The following HSPG2 variants were observed in gnomAD, a reference collection of about 807,000 sequenced individuals.
HSPG2 encodes the protein basement membrane-specific heparan sulfate proteoglycan core protein.
HSPG2 carries 278 observed loss-of-function variants against 526.6 expected under a neutral mutation model. The observed-to-expected ratio is 0.53, with a 90% CI of 0.48 to 0.58. The LOEUF is 0.58. HSPG2 is among the 20% of genes least tolerant of loss of function. HSPG2 has a pLI of 0.00. For synonymous variants in HSPG2, 2,465 were observed against 2,555.4 expected (o/e 0.96, Z 1.07); for missense variants, 5,354 against 6,099.5 (o/e 0.88, Z 4.07).
chr1:21,936,959 G>A (rs995721921), intron 1 of HSPG2, among the ~76,000 whole-genome samples, 196 bp downstream of exon 1: 1 of 151,436 alleles, frequency 6.6e-6, no homozygotes, highest in African/African-American at 2.4e-5. Context: ...GTCCTGACTG[G>A]TGGCCCCCCT....
At chr1:21,876,694 A>G in intron 21 of HSPG2, 42 bp from the exon 22 acceptor site, 1 of 1,613,446 alleles carries the variant, frequency 6.2e-7, no homozygotes, top group Non-Finnish European at 8.5e-7. Flanking sequence ...CCCATGGGAG[A>G]GGCTGCCTGG....
intron 3 of HSPG2, among the ~76,000 whole-genome samples, chr1:21,891,550 T>G (rs1402732861): frequency 6.6e-6 from 1 of 152,152 alleles, no homozygotes; most frequent in Non-Finnish European, 1.5e-5. Context: ...ACACAGCGGG[T>G]TCCTTGAAAG....
intron 33 of HSPG2, among the ~76,000 whole-genome samples, 197 bp downstream of exon 33, chr1:21,871,989 A>C (rs1025357914): frequency 4.6e-5 from 7 of 152,224 alleles, no homozygotes; most frequent in African/African-American, 1.7e-4. Context: ...GCCACCATGA[A>C]GTTGAGGTTT....
At chr1:21,862,161 A>G in intron 37 of HSPG2, 46 bp from the exon 38 acceptor site, 1 of 1,605,184 alleles carries the variant, frequency 6.2e-7, no homozygotes, top group Non-Finnish European at 8.5e-7. Flanking sequence ...GGCCAAATTT[A>G]CCAGAAGCCT....
intron 1 of HSPG2, among the ~76,000 whole-genome samples, chr1:21,929,764 G>A (rs1050087450): frequency 1.3e-5 from 2 of 152,110 alleles, no homozygotes; most frequent in African/African-American, 2.4e-5. Flanking sequence ...AGACTGTGGA[G>A]GCATCCCGGA....
intron 1 of HSPG2, among the ~76,000 whole-genome samples, chr1:21,931,368 G>T (rs376014318): frequency 2.0e-5 from 3 of 152,270 alleles, no homozygotes; most frequent in Non-Finnish European, 2.9e-5. Flanking sequence ...GGAGCAGGAG[G>T]GGGTGGCAGG....
Position 21,910,837 on chromosome 1 carries a change from A to T in HSPG2, c.64-14527T>A, listed in dbSNP as rs149790165. On this transcript the variant is annotated intron_variant, in intron 1 of 96. Coordinates refer to ENST00000374695, the MANE Select transcript of HSPG2 (RefSeq NM_005529.7). ...TTATGCTAAGTACCTGATGTTAATT[A>T]TCTGATTTAATTTGCTCAACAGTCC... Among the ~76,000 whole-genome samples the T allele has an allele frequency of 9.2e-5, 14 of 152,266 alleles. No individual in the cohort carries two copies. In the East Asian group the frequency reaches 2.7e-3, roughly 29 times the overall value.
intron 22 of HSPG2, 41 bp downstream of exon 22, chr1:21,876,471 C>T (rs1641075455): frequency 6.2e-7 from 1 of 1,613,160 alleles, no homozygotes; most frequent in Non-Finnish European, 8.5e-7. Flanking sequence ...TCCATCCGGC[C>T]CAGGGCTTGG....
At chr1:21,888,308 ACG>A (rs1642093867) in intron 6 of HSPG2, among the ~76,000 whole-genome samples, 2 of 152,222 alleles carry the variant, frequency 1.3e-5, no homozygotes, top group South Asian at 4.1e-4. Flanking sequence ...GACATGCCAC[ACG>A]CATGCAACCA....
chr1:21,872,194 C>G lies in HSPG2; in HGVS notation c.4213G>C (p.Gly1405Arg), dbSNP rs569792172. Residue 1405 changes from glycine to arginine, a missense_variant, in exon 33 of 97, where the codon GGA becomes CGA. By Grantham distance (125) the Gly-to-Arg change is moderately radical (BLOSUM62 -2). Transcript: ENST00000374695. The surrounding 1 kb of genome is among the most constrained non-coding windows in gnomAD (Gnocchi z 5.5). The part of the protein sequence containing the change: ...FYWQLPETYQ[G>R]DKVAAYGGKL... ...GCTTGGCTGGGGCCCACCTTGTCTC[C>G]CTGGTATGTCTCCGGCAGCTGCCAG... 28 of 1,551,766 alleles carry G rather than the reference C, an allele frequency of 1.8e-5. No homozygotes were observed. The East Asian group carries it at 6.8e-4, about 38-fold the overall frequency.
chr1:21,840,482 A>G (rs1194338077), intron 71 of HSPG2, among the ~76,000 whole-genome samples: 1 of 151,214 alleles, frequency 6.6e-6, no homozygotes, highest in Non-Finnish European at 1.5e-5. Context: ...ATTTTTTTGT[A>G]TTTTTAGTAG....
Position 21,896,206 on chromosome 1 carries a change from A to G in HSPG2, c.168T>C (p.Asp56=). 6.2e-7 allele frequency: 1 copy of G among 1,612,756 alleles called. No individual in the cohort carries two copies. The highest frequency in any genetic ancestry group is 1.7e-5 in the Admixed American group (1 of 59,858). Residue 56 remains aspartate, a synonymous_variant, in exon 2 of 97, where the codon GAT becomes GAC. Transcript: ENST00000374695. The part of the protein sequence containing the change: ...MRWTHSYLSD[D]EDMLADSISG... ...AGATGCTGTCAGCCAGCATGTCCTC[A>G]TCATCAGAAAGGTACGAATGTGTCC...
intron 3 of HSPG2, among the ~76,000 whole-genome samples, chr1:21,894,376 G>C (rs1317227001): frequency 1.3e-5 from 2 of 152,082 alleles, no homozygotes; most frequent in African/African-American, 4.8e-5. Flanking sequence ...TCAAGTCTGA[G>C]TGGGCACCCT....
Position 21,872,181 on chromosome 1 carries a change from C to A in HSPG2, c.4221+5G>T. On this transcript the variant is annotated splice_donor_5th_base_variant and intron_variant, in intron 33 of 96. Transcript: ENST00000374695. The surrounding 1 kb of genome is among the most constrained non-coding windows in gnomAD (Gnocchi z 5.5). ...GGCTGACCCTGGTGCTTGGCTGGGG[C>A]CCACCTTGTCTCCCTGGTATGTCTC... 1 of 1,551,514 alleles carries A rather than the reference C, an allele frequency of 6.4e-7. No homozygotes were observed. Among genetic ancestry groups the A allele is most frequent in the African/African-American group, 1.4e-5 (1 of 73,176 alleles).
intron 18 of HSPG2, 73 bp downstream of exon 18, chr1:21,878,921 C>T (rs1171181876): frequency 1.3e-6 from 2 of 1,551,968 alleles, no homozygotes; most frequent in Non-Finnish European, 1.8e-6. Flanking sequence ...CTCCTGCCTC[C>T]CTGCCCAGAA....
chr1:21,832,634 C>T, intron 80 of HSPG2, 28 bp from the exon 81 acceptor site: 1 of 1,566,576 alleles, frequency 6.4e-7, no homozygotes, highest in Non-Finnish European at 8.8e-7. Context: ...TGTAAGGGGC[C>T]CCCTTCCAGC....
At chr1:21,853,748 C>CA (rs1553163559) in intron 50 of HSPG2, 1 of 133,184 alleles carries the variant, frequency 7.5e-6, no homozygotes, top group East Asian at 2.0e-4. Context: ...GACTCTCTCT[C>CA]AAAAAAATAA....
At chr1:21,901,613 C>G (rs1643106415) in intron 1 of HSPG2, among the ~76,000 whole-genome samples, 1 of 152,204 alleles carries the variant, frequency 6.6e-6, no homozygotes, top group South Asian at 2.1e-4. Context: ...CCAGTCCACC[C>G]CACCCTCCTT....
chr1:21,837,442 CTAA>C (rs1302827298), intron 74 of HSPG2, among the ~76,000 whole-genome samples: 3 of 149,696 alleles, frequency 2.0e-5, no homozygotes, highest in Non-Finnish European at 4.5e-5. Flanking sequence ...CCGTGCCTGG[CTAA>C]TTTTTTTTTT....
Sources: allele counts gnomAD v4.1 joint callset (sites outside exome capture counted in the v4.1 genomes callset), GRCh38; gene constraint gnomAD v4.1.1; non-coding constraint Gnocchi (gnomAD v3.1); transcripts MANE v1.5; gene names NCBI Gene and HGNC (gene_info 2026-07-23, HGNC 2026-07-21).